TASP1: variants seen among roughly 807,000 people sequenced by gnomAD.
TASP1 encodes the protein taspase 1.
Under a neutral mutation model 56.6 loss-of-function variants are expected in TASP1, and 16 were observed. That is an observed-to-expected ratio of 0.28 (90% CI 0.19 to 0.43). TASP1 has a LOEUF of 0.43. Among genes scored for constraint, TASP1 ranks in the 20% least tolerant of loss-of-function variants. The pLI is 1.00. For missense variants in TASP1, 393 were observed against 511.6 expected (o/e 0.77, Z 2.24); for synonymous variants, 179 against 184.2 (o/e 0.97, Z 0.23).
the TASP1 span, among the ~76,000 whole-genome samples, chr20:13,266,708 T>C: frequency 6.6e-6 from 1 of 152,230 alleles, no homozygotes. Flanking sequence ...AGAATGGTCA[T>C]GATGCTTTCC....
chr20:13,313,927 A>C, the TASP1 span, among the ~76,000 whole-genome samples: 29 of 152,208 alleles, frequency 1.9e-4, no homozygotes, highest in Non-Finnish European at 2.9e-5. Flanking sequence ...CAGAGAGATA[A>C]AAAATTCTAA....
the TASP1 span, among the ~76,000 whole-genome samples, chr20:13,343,133 C>T: frequency 6.6e-6 from 1 of 152,190 alleles, no homozygotes; most frequent in Non-Finnish European, 1.5e-5. Context: ...AGGCAGAGCC[C>T]CACTCAGTGA....
At chr20:13,128,871 ATTTTT>A in the TASP1 span, among the ~76,000 whole-genome samples, 4 of 114,226 alleles carry the variant, frequency 3.5e-5, no homozygotes, top group African/African-American at 7.2e-5. Context: ...TGCCCAGCTA[ATTTTT>A]TTTTTTTTTT....
Position 13,390,445 on chromosome 20 carries a change from A to C in TASP1, c.1178T>G (p.Ile393Ser). ...SAQDGKAKTH[I>S]SRLPPGAVAG... ...CACCGCACCAGGAGGAAGTCTTGAA[A>C]TGTGAGTCTGCAGAGAGAGAGAGAC... The change falls in exon 14 of 14, where the codon ATT (isoleucine) becomes AGT (serine). Residue 393 changes from isoleucine (I) to serine (S), a missense_variant. This residue lies in a region of TASP1 where 293 missense variants were observed against 354.2 expected (regional missense o/e 0.83). Transcript: ENST00000337743. 1 of 1,613,590 alleles carries C rather than the reference A, an allele frequency of 6.2e-7. No homozygotes were observed. Among genetic ancestry groups the C allele is most frequent in the Non-Finnish European group, 8.5e-7 (1 of 1,179,762 alleles).
chr20:13,254,187 C>T, the TASP1 span, among the ~76,000 whole-genome samples: 16,418 of 151,690 alleles, frequency 0.11, 1,047 homozygotes, highest in African/African-American at 0.16. Flanking sequence ...GAGCCAAGAT[C>T]ACGTCACTGC....
At chr20:13,279,810 C>T in the TASP1 span, 143 of 1,613,890 alleles carry the variant, frequency 8.9e-5, no homozygotes, top group Admixed American at 2.8e-4. Context: ...GTACCTCAGA[C>T]GACAGCAACT....
At chr20:13,418,761 A>T (rs2042342704) in intron 12 of TASP1, among the ~76,000 whole-genome samples, 1 of 152,262 alleles carries the variant, frequency 6.6e-6, no homozygotes, top group African/African-American at 2.4e-5. Context: ...GGCACAAATC[A>T]GTACCATGTG....
chr20:13,425,293 G>A (rs1452295741), intron 12 of TASP1, among the ~76,000 whole-genome samples: 1 of 152,064 alleles, frequency 6.6e-6, no homozygotes, highest in African/African-American at 2.4e-5. Context: ...GTTTTCCCCA[G>A]GATACTTCTC....
At chr20:13,198,601 C>T in the TASP1 span, among the ~76,000 whole-genome samples, 1 of 152,076 alleles carries the variant, frequency 6.6e-6, no homozygotes, top group Admixed American at 6.6e-5. Flanking sequence ...GTGAACAATA[C>T]AATATTGTTA....
the TASP1 span, among the ~76,000 whole-genome samples, chr20:13,252,733 G>T: frequency 6.6e-6 from 1 of 152,052 alleles, no homozygotes; most frequent in South Asian, 2.1e-4. Flanking sequence ...TCCAGCTTGG[G>T]CAACAGAGCG....
intron 12 of TASP1, among the ~76,000 whole-genome samples, chr20:13,426,425 G>A (rs1195907225): frequency 6.6e-6 from 1 of 151,902 alleles, no homozygotes; most frequent in Non-Finnish European, 1.5e-5. Context: ...AAAACTTTGT[G>A]AGCCAAAAAA....
chr20:13,493,085 T>C (rs1479660460), intron 10 of TASP1, among the ~76,000 whole-genome samples: 2 of 152,052 alleles, frequency 1.3e-5, no homozygotes, highest in African/African-American at 4.8e-5. Flanking sequence ...GCTCCATAAA[T>C]AGGAAAGGTT....
At chr20:13,477,500 A>G (rs1028270516) in intron 11 of TASP1, among the ~76,000 whole-genome samples, 1 of 152,176 alleles carries the variant, frequency 6.6e-6, no homozygotes, top group Non-Finnish European at 1.5e-5. Context: ...TTAGTCGTTA[A>G]GTACTGAGCA....
At chr20:13,485,269 G>A (rs959609852) in intron 10 of TASP1, among the ~76,000 whole-genome samples, 1 of 152,100 alleles carries the variant, frequency 6.6e-6, no homozygotes, top group South Asian at 2.1e-4. Flanking sequence ...TTAGAAATAT[G>A]TCATATTATA....
the TASP1 span, chr20:13,117,849 C>T: frequency 1.6e-5 from 14 of 887,964 alleles, no homozygotes; most frequent in South Asian, 2.3e-4. Flanking sequence ...ATCACTCCAG[C>T]CTGGCTACAG....
chr20:13,302,172 G>A, the TASP1 span, among the ~76,000 whole-genome samples: 7 of 152,220 alleles, frequency 4.6e-5, no homozygotes, highest in African/African-American at 1.7e-4. Context: ...TTCTTACTAC[G>A]GTGAAAATGA....
intron 5 of TASP1, among the ~76,000 whole-genome samples, chr20:13,584,675 G>A (rs2047241347): frequency 6.6e-6 from 1 of 151,996 alleles, no homozygotes; most frequent in African/African-American, 2.4e-5. Flanking sequence ...ACCATAATCT[G>A]GGCCATACAG....
At chr20:13,244,267 G>T in the TASP1 span, 2 of 151,938 alleles carry the variant, frequency 1.3e-5, no homozygotes, top group South Asian at 2.1e-4. Context: ...AAAACAGCTC[G>T]TCTCTGACTG....
At chr20:13,353,838 G>A in the TASP1 span, among the ~76,000 whole-genome samples, 4 of 152,010 alleles carry the variant, frequency 2.6e-5, no homozygotes, top group Non-Finnish European at 4.4e-5. Context: ...TAGTAACAGA[G>A]ATCCAAAGAC....
Sources: allele counts gnomAD v4.1 joint callset (sites outside exome capture counted in the v4.1 genomes callset), GRCh38; gene constraint gnomAD v4.1.1; regional missense constraint gnomAD v4.1.1; transcripts MANE v1.5; gene names NCBI Gene and HGNC (gene_info 2026-07-23, HGNC 2026-07-21).